Variants in FNDC3A observed in about 807,000 individuals in gnomAD.
FNDC3A encodes fibronectin type-III domain-containing protein 3A.
In FNDC3A, 32 loss-of-function variants were observed where a neutral mutation model predicts 148.9. That is an observed-to-expected ratio of 0.21 (90% confidence interval 0.16 to 0.29). The LOEUF (loss-of-function observed/expected upper bound fraction) is 0.29, where lower values mean the gene tolerates loss of function less well. FNDC3A is among the 10% of genes least tolerant of loss of function. The probability of loss-of-function intolerance (pLI) is 1.00; values close to 1 mark genes in which losing one functional copy is unlikely to be tolerated. For missense variants in FNDC3A, 1,191 were observed against 1,452.8 expected, an observed-to-expected ratio of 0.82 and a Z score of 2.93; for synonymous variants, 472 against 473.6, an observed-to-expected ratio of 1.00 and a Z score of 0.04.
chr13:49,013,061 A>T (rs1718542686), intron 2 of FNDC3A, among the ~76,000 whole-genome samples: 1 of 152,180 alleles, frequency 6.6e-6, no homozygotes, highest in African/African-American at 2.4e-5. Flanking sequence ...GACGCCAGTA[A>T]TCCCAGCATT....
rs749006669 is a variant in FNDC3A, at chr13:49,191,324, G to A, written c.2166G>A (p.Val722=). The change falls in exon 19 of 26, where the codon GTG becomes GTA. Residue 722 remains valine, a synonymous_variant. Transcript: ENST00000492622. ...AAGGTTCTGAAGTAGAATGTACAGT[G>A]AGCAGCCTTCTTCCTGGAAAGACAT... ...VYQGSEVECT[V]SSLLPGKTYS... 1 of 1,612,716 alleles carries A rather than the reference G, an allele frequency of 6.2e-7. No homozygotes were observed. The highest frequency in any genetic ancestry group is 2.2e-5 in the East Asian group (1 of 44,854).
At chr13:49,051,229 G>T (rs979718985) in intron 2 of FNDC3A, among the ~76,000 whole-genome samples, 30 of 151,962 alleles carry the variant, frequency 2.0e-4, no homozygotes, top group African/African-American at 7.2e-4. Context: ...GTTTTGTTTT[G>T]TTTTGTTTTT....
In FNDC3A at chr13:49,061,310, CTCTCT is replaced by C. The variant is rs1488911284; in HGVS notation, c.100-13971_100-13967del. ...TTTCCTTTTCCATTTTCCATTTTCC[CTCTCT>C]TCTCTTCCCTTCCCTTCCCTTCCCT... On this transcript the variant is annotated intron_variant, in intron 2 of 25. Coordinates refer to ENST00000492622, the MANE Select transcript of FNDC3A (RefSeq NM_001079673.2). Among the ~76,000 whole-genome samples the C allele has an allele frequency of 3.5e-4, 45 of 128,440 alleles. 1 individual carries two copies. The highest frequency in any genetic ancestry group is 4.2e-3 in the Middle Eastern group (1 of 238). The allele number at this position is 128,440 out of a possible 152,430, so 84.3% of individuals were successfully genotyped here. A position where few individuals can be genotyped will look rare whatever the true frequency, so the allele number is the denominator to read the frequency against.
chr13:49,141,779 T>C lies in FNDC3A; in HGVS notation c.819+2974T>C, dbSNP rs548810460. ...CTCAAAAAATATATTGTACATAATCTAGCCACTTTCTAAAGGAGCTATTTT... is the reference window on the plus strand; with the variant it reads ...CTCAAAAAATATATTGTACATAATCCAGCCACTTTCTAAAGGAGCTATTTT... On this transcript the variant is annotated intron_variant, in intron 7 of 25. Coordinates refer to ENST00000492622, the MANE Select transcript of FNDC3A (RefSeq NM_001079673.2). Among the ~76,000 whole-genome samples, 38 of 152,350 alleles carry C rather than the reference T, an allele frequency of 2.5e-4. No homozygotes were observed. In the South Asian group the frequency reaches 7.9e-3, roughly 32 times the overall value.
intron 2 of FNDC3A, among the ~76,000 whole-genome samples, chr13:49,019,382 C>T (rs1206086665): frequency 6.6e-6 from 1 of 152,238 alleles, no homozygotes; most frequent in Non-Finnish European, 1.5e-5. Flanking sequence ...CCGTCTGTCA[C>T]CCCTTTCTTT....
intron 2 of FNDC3A, among the ~76,000 whole-genome samples, chr13:49,063,193 C>T (rs1253165940): frequency 6.6e-6 from 1 of 152,124 alleles, no homozygotes; most frequent in African/African-American, 2.4e-5. Flanking sequence ...ATAGAGATGA[C>T]ATTTTGGCAA....
chr13:49,077,768 A>C (rs1566235627), intron 3 of FNDC3A, among the ~76,000 whole-genome samples: 1 of 152,234 alleles, frequency 6.6e-6, no homozygotes, highest in Admixed American at 6.5e-5. Flanking sequence ...CACATTCTGC[A>C]CATGTATCCC....
At chr13:49,184,957 G>C (rs1379777091) in intron 14 of FNDC3A, among the ~76,000 whole-genome samples, 2 of 148,764 alleles carry the variant, frequency 1.3e-5, no homozygotes, top group Non-Finnish European at 3.0e-5. Context: ...GGGGGAGGGG[G>C]GTGGGCAGCA....
chr13:49,130,080 G>T (rs1412878956), intron 4 of FNDC3A, among the ~76,000 whole-genome samples: 1 of 152,070 alleles, frequency 6.6e-6, no homozygotes, highest in Non-Finnish European at 1.5e-5. Flanking sequence ...CCTTATTTTA[G>T]TGAGGGATTT....
At chr13:49,038,017 G>A (rs1010963806) in intron 2 of FNDC3A, among the ~76,000 whole-genome samples, 5 of 152,316 alleles carry the variant, frequency 3.3e-5, no homozygotes, top group Admixed American at 3.3e-4. Flanking sequence ...CTCTCAGCAG[G>A]ATGGATGGGG....
In FNDC3A at chr13:49,083,741, A is replaced by G. The variant is rs557996997; in HGVS notation, c.175+8377A>G. On this transcript the variant is annotated intron_variant, in intron 3 of 25. Transcript: ENST00000492622. ...CCCGGCTAAGGAAGCAGATTTTGAC[A>G]CGGGGAAGAACAGCTATGGCTGTAT... Among the ~76,000 whole-genome samples the G allele has an allele frequency of 1.4e-3, 208 of 152,306 alleles. 1 individual carries two copies. The highest frequency in any genetic ancestry group is 4.8e-3 in the African/African-American group (199 of 41,572).
chr13:49,102,328 C>CT (rs1472498426), intron 3 of FNDC3A, among the ~76,000 whole-genome samples: 1 of 152,084 alleles, frequency 6.6e-6, no homozygotes, highest in African/African-American at 2.4e-5. Context: ...TATAATATCC[C>CT]TTACTTACTA....
chr13:49,052,943 T>G (rs531481417), intron 2 of FNDC3A, among the ~76,000 whole-genome samples: 3 of 152,162 alleles, frequency 2.0e-5, no homozygotes, highest in Non-Finnish European at 4.4e-5. Context: ...TGAAGTTATA[T>G]TCCCAGGGGG....
intron 2 of FNDC3A, among the ~76,000 whole-genome samples, chr13:49,032,571 C>A (rs1373988179): frequency 1.3e-5 from 2 of 152,164 alleles, no homozygotes; most frequent in Non-Finnish European, 2.9e-5. Context: ...CCCATCTCTA[C>A]TAAAAATACA....
intron 2 of FNDC3A, among the ~76,000 whole-genome samples, chr13:49,062,609 T>C (rs909646501): frequency 1.3e-5 from 2 of 152,228 alleles, no homozygotes; most frequent in African/African-American, 4.8e-5. Context: ...TTCCTGTCTT[T>C]ATCTTGCAGA....
At chr13:49,141,655 T>C (rs1019985807) in intron 7 of FNDC3A, among the ~76,000 whole-genome samples, 6 of 152,190 alleles carry the variant, frequency 3.9e-5, no homozygotes, top group Non-Finnish European at 5.9e-5. Flanking sequence ...TTGAACTCTT[T>C]TAACAGTTTA....
chr13:49,026,712 C>G (rs1873740890), intron 2 of FNDC3A, among the ~76,000 whole-genome samples: 2 of 152,062 alleles, frequency 1.3e-5, no homozygotes, highest in Non-Finnish European at 2.9e-5. Flanking sequence ...ACTATGTTGC[C>G]CAGGCTGGTC....
chr13:49,102,159 T>G (rs1369697141), intron 3 of FNDC3A, among the ~76,000 whole-genome samples: 5 of 151,994 alleles, frequency 3.3e-5, no homozygotes, highest in Admixed American at 3.3e-4. Context: ...TTTTTTAAGC[T>G]TACTCTTTAT....
At chr13:49,073,411 T>C (rs1371401050) in intron 2 of FNDC3A, among the ~76,000 whole-genome samples, 1 of 151,698 alleles carries the variant, frequency 6.6e-6, no homozygotes, top group East Asian at 1.9e-4. Context: ...ATAGTACAGG[T>C]TGGGCATCCC....
Sources: gnomAD v4.1 joint callset for allele counts (sites outside exome capture counted in the v4.1 genomes callset) on GRCh38, gnomAD v4.1.1 for gene constraint, MANE v1.5 for transcripts, NCBI Gene and HGNC (gene_info 2026-07-23, HGNC 2026-07-21) for gene names.